MATN2: variants seen among roughly 807,000 people sequenced by gnomAD.
MATN2 encodes matrilin 2, also known as matrilin-2.
A neutral mutation model predicts 103.2 loss-of-function variants in MATN2; 69 were observed. The ratio of observed to expected loss-of-function variants is 0.67; its 90% CI spans 0.55 to 0.82. MATN2 has a LOEUF of 0.82. Among genes scored for constraint, MATN2 ranks in the 40% least tolerant of loss-of-function variants. The probability of loss-of-function intolerance (pLI) is 0.00; values close to 1 mark genes in which losing one functional copy is unlikely to be tolerated. For synonymous variants in MATN2, 429 were observed against 450.2 expected (o/e 0.95, Z 0.60); for missense variants, 1,023 against 1,211.5 (o/e 0.84, Z 2.31).
chr8:97,978,850 G>C, intron 5 of MATN2, 36 bp from the exon 6 acceptor site: 2 of 1,611,338 alleles, frequency 1.2e-6, no homozygotes, highest in South Asian at 2.2e-5. Flanking sequence ...TCCTCTGTTT[G>C]CATTTCTAAT....
At chr8:97,880,592 T>C (rs1334788476) in intron 1 of MATN2, among the ~76,000 whole-genome samples, 1 of 152,226 alleles carries the variant, frequency 6.6e-6, no homozygotes, top group Non-Finnish European at 1.5e-5. Context: ...CTTGCTGTAA[T>C]ATGCTTCCCC....
chr8:97,937,360 C>T (rs1228254897), intron 3 of MATN2, among the ~76,000 whole-genome samples: 1 of 152,164 alleles, frequency 6.6e-6, no homozygotes. Context: ...AAATAGCCTA[C>T]AAGAGCTACC....
At chr8:97,952,714 G>A (rs919704234) in intron 4 of MATN2, among the ~76,000 whole-genome samples, 9 of 152,124 alleles carry the variant, frequency 5.9e-5, no homozygotes, top group Non-Finnish European at 1.2e-4. Context: ...TGAAACAAGC[G>A]AGCAGATTTT....
chr8:98,003,567 C>T, intron 7 of MATN2, 94 bp from the exon 8 acceptor site: 1 of 1,480,178 alleles, frequency 6.8e-7, no homozygotes, highest in Non-Finnish European at 9.4e-7. Flanking sequence ...CCCACCAGCC[C>T]TCTCCATGGG....
intron 5 of MATN2, among the ~76,000 whole-genome samples, chr8:97,965,611 A>T (rs1215556710): frequency 6.6e-6 from 1 of 152,176 alleles, no homozygotes; most frequent in African/African-American, 2.4e-5. Context: ...AAGTAGGAGG[A>T]TTGCTTGAGC....
At chr8:98,001,470 T>C (rs1004360950) in intron 7 of MATN2, among the ~76,000 whole-genome samples, 1 of 149,052 alleles carries the variant, frequency 6.7e-6, no homozygotes, top group Non-Finnish European at 1.5e-5. Context: ...GTCTTTTTTT[T>C]TTTTTTTTTT....
Position 97,931,529 on chromosome 8 carries a change from C to T in MATN2, c.712+7C>T. ...TTCCAGAAGAAGTTGTGCAGTAAGT[C>T]CTGCTCCTTTGTCACTCTTCTAGAG... On this transcript the variant is annotated splice_region_variant and intron_variant, in intron 3 of 18. Transcript: ENST00000254898. This position sits in a 1 kb window ranked among gnomAD's most constrained non-coding sequence, Gnocchi z 4.1. The T allele has an allele frequency of 6.3e-7, 1 of 1,590,158 alleles. No individual in the cohort carries two copies. The highest frequency in any genetic ancestry group is 8.5e-7 in the Non-Finnish European group (1 of 1,170,170).
Position 97,869,202 on chromosome 8 carries a change from G to C in MATN2, c.-112G>C, listed in dbSNP as rs995295070. The C allele has an allele frequency of 4.6e-5, 7 of 152,198 alleles. No individual in the cohort carries two copies. Among genetic ancestry groups the C allele is most frequent in the African/African-American group, 1.7e-4 (7 of 41,452 alleles). 9.4% of individuals were successfully genotyped at this position (152,198 alleles called of 1,614,324 possible). Reference sequence around the variant, plus strand: ...CCACGAGCGATCCCCGAGGAGAGCCGCGGCCCTCGGCGAGGCGAAGAGGCC... The same window carrying C: ...CCACGAGCGATCCCCGAGGAGAGCCCCGGCCCTCGGCGAGGCGAAGAGGCC... On this transcript the variant is annotated 5_prime_UTR_variant, in exon 1 of 19. Coordinates refer to ENST00000254898, the MANE Select transcript of MATN2 (RefSeq NM_002380.5).
At chr8:97,943,087 C>T (rs374034565) in intron 4 of MATN2, among the ~76,000 whole-genome samples, 17 of 152,094 alleles carry the variant, frequency 1.1e-4, no homozygotes, top group Admixed American at 5.9e-4. Flanking sequence ...GAAGATCTGA[C>T]GCTTCCTCAA....
chr8:97,992,745 C>CAAAAAAAAAAAAAAAAAAAAAAAAAA (rs58985201), intron 6 of MATN2, among the ~76,000 whole-genome samples: 3 of 49,580 alleles, frequency 6.1e-5, no homozygotes, highest in African/African-American at 2.7e-4. Flanking sequence ...GACTCCATCT[C>CAAAAAAAAAAAAAAAAAAAAAAAAAA]AAAAAAAAAA....
At chr8:97,994,434 C>G in intron 6 of MATN2, 46 bp from the exon 7 acceptor site, 1 of 1,581,576 alleles carries the variant, frequency 6.3e-7, no homozygotes, top group Non-Finnish European at 8.6e-7. Context: ...CCTATGCTAG[C>G]TTTATTGATT....
At position 97,892,334 on chromosome 8, in the gene MATN2, GC is replaced by G. The variant is rs1218489473; in HGVS notation, c.142+4096del. On this transcript the variant is annotated intron_variant, in intron 2 of 18. Transcript: ENST00000254898. ...ATGCTTAGGCTGCAGGATCACTTGA[GC>G]CCCAGAGGTCGAGGCTGCATGAGTG... 2.1e-5 allele frequency among the ~76,000 whole-genome samples: 3 copies of G among 144,220 alleles called. No homozygotes were observed. In the Admixed American group the frequency reaches 2.2e-4, roughly 11 times the overall value. The allele number at this position is 144,220 out of a possible 152,430, so 94.6% of individuals were successfully genotyped here.
intron 6 of MATN2, among the ~76,000 whole-genome samples, chr8:97,986,976 G>A (rs1026650079): frequency 6.6e-6 from 1 of 151,740 alleles, no homozygotes; most frequent in Non-Finnish European, 1.5e-5. Flanking sequence ...GGGACTACAG[G>A]TGCCCGCCAC....
intron 4 of MATN2, among the ~76,000 whole-genome samples, chr8:97,957,902 C>G (rs569821753): frequency 1.1e-3 from 168 of 152,270 alleles, no homozygotes; most frequent in Non-Finnish European, 2.0e-3. Context: ...ACCTTGGCAT[C>G]AAGATTTTCA....
At chr8:97,912,148 A>G (rs949392251) in intron 2 of MATN2, among the ~76,000 whole-genome samples, 1 of 152,210 alleles carries the variant, frequency 6.6e-6, no homozygotes, top group Non-Finnish European at 1.5e-5. Context: ...CCAGTCGTTC[A>G]AGTCCTTTTT....
chr8:97,984,990 A>G (rs1812146922), intron 6 of MATN2, among the ~76,000 whole-genome samples: 1 of 152,212 alleles, frequency 6.6e-6, no homozygotes, highest in Non-Finnish European at 1.5e-5. Flanking sequence ...AAATAAAATG[A>G]TCTGTGATAC....
chr8:98,017,753 T>C (rs1281093787), intron 11 of MATN2, among the ~76,000 whole-genome samples: 3 of 152,232 alleles, frequency 2.0e-5, no homozygotes, highest in Non-Finnish European at 4.4e-5. Context: ...ATGGACTGCA[T>C]TTTAACACTA....
At chr8:97,999,919 C>T (rs1006054798) in intron 7 of MATN2, among the ~76,000 whole-genome samples, 1 of 149,436 alleles carries the variant, frequency 6.7e-6, no homozygotes, top group African/African-American at 2.5e-5. Context: ...CTCACTCTGT[C>T]ACCCAGGCTG....
At chr8:97,957,018 A>G (rs947195411) in intron 4 of MATN2, among the ~76,000 whole-genome samples, 3 of 152,176 alleles carry the variant, frequency 2.0e-5, no homozygotes, top group Admixed American at 2.0e-4. Flanking sequence ...CCCTCTTATA[A>G]TGGGGCAGAT....
Sources: gnomAD v4.1 joint callset for allele counts (sites outside exome capture counted in the v4.1 genomes callset) on GRCh38, gnomAD v4.1.1 for gene constraint, Gnocchi (gnomAD v3.1) non-coding constraint, MANE v1.5 for transcripts, NCBI Gene and HGNC (gene_info 2026-07-23, HGNC 2026-07-21) for gene names.